The following CDKL5 variants were observed in gnomAD, a reference collection of about 807,000 sequenced individuals.
CDKL5 encodes the protein cyclin dependent kinase like 5.
CDKL5 carries 8 observed loss-of-function variants against 61.7 expected under a neutral mutation model. The observed-to-expected ratio is 0.13, with a 90% confidence interval of 0.08 to 0.23. The LOEUF (loss-of-function observed/expected upper bound fraction) is 0.23, where lower values mean the gene tolerates loss of function less well. CDKL5 is among the 10% of genes least tolerant of loss of function. The pLI, the probability that CDKL5 is intolerant of heterozygous loss-of-function variation, is 1.00. For synonymous variants in CDKL5, 275 were observed against 272.3 expected (o/e 1.01, Z -0.10); for missense variants, 440 against 734.5 (o/e 0.60, Z 4.63).
At chrX:18,436,436 CCTT>C (rs765241689) in intron 1 of CDKL5, among the ~76,000 whole-genome samples, 14 of 111,301 alleles carry the variant, frequency 1.3e-4, no homozygotes, top group Admixed American at 3.8e-4. Flanking sequence ...GAGAGTCTGT[CCTT>C]GGGGGAAGAG....
downstream of CDKL5, among the ~76,000 whole-genome samples, chrX:18,643,862 T>G (rs1439757909): frequency 2.7e-5 from 3 of 110,560 alleles, no homozygotes; most frequent in Non-Finnish European, 5.7e-5. Flanking sequence ...AGGAGTCTAC[T>G]GCGTTTAGTC....
intron 1 of CDKL5, among the ~76,000 whole-genome samples, chrX:18,438,374 C>T (rs1337571142): frequency 9.1e-6 from 1 of 110,449 alleles, no homozygotes; most frequent in Non-Finnish European, 1.9e-5. Flanking sequence ...TGAAGAGGTA[C>T]ACTCAACAGG....
chrX:18,500,949 G>A (rs747046513), intron 1 of CDKL5, among the ~76,000 whole-genome samples: 4 of 110,636 alleles, frequency 3.6e-5, no homozygotes, highest in South Asian at 7.8e-4. Flanking sequence ...AAAAATTCTC[G>A]TGCCTTAGCC....
At chrX:18,540,276 A>C (rs1923974913) in intron 3 of CDKL5, among the ~76,000 whole-genome samples, 1 of 110,919 alleles carries the variant, frequency 9.0e-6, no homozygotes. Context: ...TCCCGGGCTC[A>C]AGCGATTCTC....
At chrX:18,623,865 A>G (rs1471359370) in intron 16 of CDKL5, 1 of 733,887 alleles carries the variant, frequency 1.4e-6, no homozygotes, top group Non-Finnish European at 1.6e-6. Context: ...GTTTATTTGT[A>G]TCTTATATTG....
chrX:18,492,399 T>C (rs1468026993), intron 1 of CDKL5, among the ~76,000 whole-genome samples: 1 of 111,825 alleles, frequency 8.9e-6, no homozygotes, highest in Non-Finnish European at 1.9e-5. Flanking sequence ...CAGATTCTTT[T>C]CCTCAGGTTT....
Position 18,617,177 on chromosome X carries a change from C to T in CDKL5, c.2277-2690C>T, listed in dbSNP as rs369055722. Among the ~76,000 whole-genome samples, 10 of 111,679 alleles carry T rather than the reference C, an allele frequency of 9.0e-5. No individual in the cohort carries two copies. In the South Asian group the frequency reaches 3.8e-3, roughly 42 times the overall value. ...TTTGGAATTGTGTCTCCTCTTGGAC[C>T]CTTATGGAAATAGCTGTCATGTTAG... On this transcript the variant is annotated intron_variant, in intron 15 of 17. Transcript: ENST00000623535.
At chrX:18,646,403 C>G (rs749363784) in intron 20 of CDKL5, among the ~76,000 whole-genome samples, 2 of 112,412 alleles carry the variant, frequency 1.8e-5, no homozygotes, top group Non-Finnish European at 3.8e-5. Flanking sequence ...ATCTGCCCCC[C>G]CTCGGCCTCC....
intron 5 of CDKL5, among the ~76,000 whole-genome samples, chrX:18,577,159 T>C (rs1187971660): frequency 2.7e-5 from 3 of 112,138 alleles, no homozygotes; most frequent in African/African-American, 6.5e-5. Flanking sequence ...CCTTTTTATT[T>C]TTGTTCTATT....
intron 1 of CDKL5, among the ~76,000 whole-genome samples, chrX:18,433,935 G>A (rs1012372157): frequency 1.8e-5 from 2 of 112,409 alleles, no homozygotes; most frequent in Non-Finnish European, 3.8e-5. Flanking sequence ...CCTAATGCGC[G>A]TGTCGTAGAG....
At chrX:18,570,515 A>C (rs953597153) in intron 4 of CDKL5, among the ~76,000 whole-genome samples, 1 of 111,236 alleles carries the variant, frequency 9.0e-6, no homozygotes, top group Admixed American at 9.6e-5. Context: ...AATAAGAGCA[A>C]CCAGACTCAA....
intron 7 of CDKL5, among the ~76,000 whole-genome samples, chrX:18,583,482 G>A (rs757502502): frequency 1.3e-4 from 15 of 111,664 alleles, no homozygotes; most frequent in Non-Finnish European, 1.7e-4. Context: ...ATTTTTTACC[G>A]TTTCATTTTA....
rs1487562741 is a variant in CDKL5 at position 18,598,520 on chromosome X, C to T, written c.884C>T (p.Pro295Leu). The change falls in exon 11 of 18, where the codon CCT becomes CTT. Residue 295 changes from proline to leucine, a missense_variant. By Grantham distance (98) the Pro-to-Leu change is moderately conservative (BLOSUM62 -3). Around this residue, in one of 2 missense-constraint regions of CDKL5, gnomAD observed 363 missense variants for 516.3 expected, o/e 0.70. Transcript: ENST00000623535. ...RYLTEQCLNH[P>L]TFQTQRLLDR... Reference sequence around the variant, plus strand: ...TTGACAGAACAGTGTTTGAATCACCCTACATTTCAAACCCAGAGACTTCTG... The same window carrying T: ...TTGACAGAACAGTGTTTGAATCACCTTACATTTCAAACCCAGAGACTTCTG... 3.3e-6 allele frequency: 4 copies of T among 1,205,139 alleles called. No homozygotes were observed. The highest frequency in any genetic ancestry group is 4.5e-6 in the Non-Finnish European group (4 of 889,480).
chrX:18,432,244 A>G (rs529986981), intron 1 of CDKL5, among the ~76,000 whole-genome samples: 2 of 108,541 alleles, frequency 1.8e-5, no homozygotes, highest in Admixed American at 9.9e-5. Flanking sequence ...GATTACAGGC[A>G]TGTCCACCAT....
chrX:18,430,075 A>G (rs1295146707), intron 1 of CDKL5, among the ~76,000 whole-genome samples: 9 of 112,234 alleles, frequency 8.0e-5, no homozygotes, highest in Non-Finnish European at 1.5e-4. Context: ...ACTCAGATCC[A>G]TCAGGACTGC....
intron 3 of CDKL5, among the ~76,000 whole-genome samples, chrX:18,546,335 C>T (rs1239224358): frequency 9.7e-6 from 1 of 103,031 alleles, no homozygotes; most frequent in Admixed American, 1.1e-4. Flanking sequence ...AATCTCTGCT[C>T]ACTGCAATCT....
At chrX:18,584,438 A>C in intron 8 of CDKL5, 85 bp downstream of exon 8, 1 of 644,992 alleles carries the variant, frequency 1.6e-6, no homozygotes, top group Non-Finnish European at 2.6e-6. Context: ...ATGGAAAATA[A>C]GAACTTCAGT....
At chrX:18,606,805 A>G (rs976717278) in intron 12 of CDKL5, among the ~76,000 whole-genome samples, 1 of 112,463 alleles carries the variant, frequency 8.9e-6, no homozygotes, top group East Asian at 2.8e-4. Context: ...GGCTTTTGCA[A>G]TAATTCAAGC....
At chrX:18,438,074 C>CT (rs928449790) in intron 1 of CDKL5, among the ~76,000 whole-genome samples, 12 of 110,341 alleles carry the variant, frequency 1.1e-4, no homozygotes, top group Non-Finnish European at 2.3e-4. Context: ...TCTTTCTTTT[C>CT]TTTTTTTTTG....
Sources: gnomAD v4.1 joint callset for allele counts (sites outside exome capture counted in the v4.1 genomes callset) on GRCh38, gnomAD v4.1.1 for gene constraint, gnomAD v4.1.1 regional missense constraint, MANE v1.5 for transcripts, NCBI Gene and HGNC (gene_info 2026-07-23, HGNC 2026-07-21) for gene names.